Variants in TTL observed in about 807,000 individuals in gnomAD.
TTL encodes the protein tubulin tyrosine ligase, also known as tubulin--tyrosine ligase.
In TTL, 10 loss-of-function variants were observed where a neutral mutation model predicts 41.1. That is an observed-to-expected ratio of 0.24 (90% CI 0.15 to 0.41). TTL has a LOEUF of 0.41. Among genes scored for constraint, TTL ranks in the 10% least tolerant of loss-of-function variants. The pLI is 1.00. For missense variants in TTL, 367 were observed against 460.4 expected (o/e 0.80, Z 1.86); for synonymous variants, 175 against 175.5 (o/e 1.00, Z 0.02).
At chr2:112,520,593 C>T in intron 6 of TTL, 168 bp downstream of exon 6, 1 of 886,412 alleles carries the variant, frequency 1.1e-6, no homozygotes, top group Non-Finnish European at 1.7e-6. Flanking sequence ...GAGTCACTTC[C>T]TTTCCTATTT....
In TTL at chr2:112,528,295, T is replaced by TA. The variant is rs139582155; in HGVS notation, c.1020-380dup. On this transcript the variant is annotated intron_variant, in intron 6 of 6. Coordinates refer to ENST00000233336, the MANE Select transcript of TTL (RefSeq NM_153712.5). ...ATAGAATTTCTAGGGCAGATCTTGG[T>TA]AAAAAACAAAAACAAGAAAAACTGC... Among the ~76,000 whole-genome samples, 1,294 of 152,028 alleles carry TA rather than the reference T, an allele frequency of 8.5e-3. 22 individuals are homozygous for TA. Among genetic ancestry groups the TA allele is most frequent in the African/African-American group, 0.03 (1,228 of 41,454 alleles).
At chr2:112,496,325 T>A (rs1681520832) in intron 3 of TTL, among the ~76,000 whole-genome samples, 1 of 152,246 alleles carries the variant, frequency 6.6e-6, no homozygotes, top group African/African-American at 2.4e-5. Context: ...TTATTATGTT[T>A]GGAAACCATA....
chr2:112,532,565 A>G lies in TTL; in HGVS notation c.*3770A>G, dbSNP rs995414468. ...CTGAGGTGTGAGGCTGCAGTGAACC[A>G]TGTTCACACCACTGTACTCTAGCTT... On this transcript the variant is annotated 3_prime_UTR_variant, in exon 7 of 7. Coordinates refer to ENST00000233336, the MANE Select transcript of TTL (RefSeq NM_153712.5). 5.1e-6 allele frequency: 1 copy of G among 197,900 alleles called. No individual in the cohort carries two copies. The highest frequency in any genetic ancestry group is 2.3e-5 in the African/African-American group (1 of 43,308). The allele number at this position is 197,900 out of a possible 1,614,324, so 12.3% of individuals were successfully genotyped here. A position where few individuals can be genotyped will look rare whatever the true frequency, so the allele number is the denominator to read the frequency against.
intron 3 of TTL, among the ~76,000 whole-genome samples, chr2:112,496,707 G>GTGTGTGTGT (rs1681539515): frequency 1.2e-5 from 1 of 82,708 alleles, no homozygotes. Context: ...GTGTGTGTGT[G>GTGTGTGTGT]TATTTTTTTT....
In TTL at chr2:112,532,313, A is replaced by G. The variant is rs1682527579; in HGVS notation, c.*3518A>G. 4.4e-6 allele frequency: 1 copy of G among 227,896 alleles called. No individual in the cohort carries two copies. Among genetic ancestry groups the G allele is most frequent in the African/African-American group, 2.2e-5 (1 of 45,008 alleles). The allele number at this position is 227,896 out of a possible 1,614,324, so 14.1% of individuals were successfully genotyped here. A position where few individuals can be genotyped will look rare whatever the true frequency, so the allele number is the denominator to read the frequency against. ...TACATGGCTCTGGTTCTGGACACAA[A>G]ATCTGTACTGGAGAGGAAATGACTG... On this transcript the variant is annotated 3_prime_UTR_variant, in exon 7 of 7. Transcript: ENST00000233336.
intron 5 of TTL, among the ~76,000 whole-genome samples, chr2:112,513,337 C>T (rs62157525): frequency 0.17 from 25,203 of 151,794 alleles, 2,366 homozygotes; most frequent in East Asian, 0.3. Flanking sequence ...CCTTCAGTTG[C>T]GAAGTTCTGA....
chr2:112,534,875 C>G lies in TTL; in HGVS notation c.*6080C>G, dbSNP rs1158686240. The G allele has an allele frequency of 1.3e-5, 2 of 152,138 alleles. No individual in the cohort carries two copies. Among genetic ancestry groups the G allele is most frequent in the African/African-American group, 4.8e-5 (2 of 41,410 alleles). The allele number at this position is 152,138 out of a possible 1,614,324, so 9.4% of individuals were successfully genotyped here. ...CCTGAGAATTCCCCAGCTCTTTCGT[C>G]TGACCTTAAGTGTCTGCACAAACAG... is the stretch of plus-strand genomic sequence containing the variant. On this transcript the variant is annotated 3_prime_UTR_variant, in exon 7 of 7. Transcript: ENST00000233336.
chr2:112,492,452 C>T lies in TTL; in HGVS notation c.237-1691C>T, dbSNP rs1303991482. 6.6e-5 allele frequency among the ~76,000 whole-genome samples: 10 copies of T among 151,816 alleles called. No individual in the cohort carries two copies. The East Asian group carries it at 1.6e-3, about 24-fold the overall frequency. On this transcript the variant is annotated intron_variant, in intron 2 of 6. Transcript: ENST00000233336. The stretch of plus-strand genomic sequence containing the variant: ...ATACAAAAATTAGCTGGGTGTGGGC[C>T]GGGCGCGGTGGCTCACGCCTGTAAT...
intron 2 of TTL, among the ~76,000 whole-genome samples, chr2:112,490,492 C>T (rs1354739009): frequency 6.6e-6 from 1 of 150,532 alleles, no homozygotes; most frequent in Non-Finnish European, 1.5e-5. Context: ...TGCAATGAAG[C>T]AAATGTTTCC....
chr2:112,521,599 C>A (rs970371027), intron 6 of TTL, among the ~76,000 whole-genome samples: 1 of 152,234 alleles, frequency 6.6e-6, no homozygotes, highest in Non-Finnish European at 1.5e-5. Context: ...CTGATGGTTA[C>A]GACAGGCATG....
chr2:112,502,622 A>G (rs1337522894), intron 4 of TTL, among the ~76,000 whole-genome samples: 1 of 150,484 alleles, frequency 6.6e-6, no homozygotes, highest in Non-Finnish European at 1.5e-5. Context: ...GGGCAACAAA[A>G]GCAAAACTCC....
intron 3 of TTL, among the ~76,000 whole-genome samples, chr2:112,500,861 ATTG>A (rs1681675462): frequency 6.7e-6 from 1 of 150,266 alleles, no homozygotes; most frequent in African/African-American, 2.4e-5. Flanking sequence ...AAGGGGATTT[ATTG>A]TTGTTATAGT....
chr2:112,527,351 C>T (rs1262953975), intron 6 of TTL, among the ~76,000 whole-genome samples: 1 of 152,094 alleles, frequency 6.6e-6, no homozygotes, highest in Admixed American at 6.5e-5. Context: ...GAGCTGAGTT[C>T]AATTCCTGGA....
In TTL at chr2:112,495,893, G is replaced by A. The variant is rs531027428; in HGVS notation, c.469+1518G>A. Reference sequence around the variant, plus strand: ...TGAACTCACTTCTTGTATTGCCTTGGAAGACATCTAGCCATTGGTACTCAT... The same window carrying A: ...TGAACTCACTTCTTGTATTGCCTTGAAAGACATCTAGCCATTGGTACTCAT... On this transcript the variant is annotated intron_variant, in intron 3 of 6. Transcript: ENST00000233336. Among the ~76,000 whole-genome samples, 6 of 152,228 alleles carry A rather than the reference G, an allele frequency of 3.9e-5. No individual in the cohort carries two copies. In the South Asian group the frequency reaches 1.2e-3, roughly 32 times the overall value.
At chr2:112,490,762 G>A (rs921864499) in intron 2 of TTL, among the ~76,000 whole-genome samples, 3 of 150,984 alleles carry the variant, frequency 2.0e-5, no homozygotes, top group African/African-American at 7.3e-5. Flanking sequence ...TAGTAGAGAC[G>A]GGATTTCACC....
chr2:112,503,552 G>C (rs1681757708), intron 5 of TTL, among the ~76,000 whole-genome samples: 1 of 149,986 alleles, frequency 6.7e-6, no homozygotes, highest in South Asian at 2.1e-4. Context: ...TCCTGCCTCA[G>C]CCTCCCAAGT....
At chr2:112,520,558 ACT>A in intron 6 of TTL, 133 bp downstream of exon 6, 1 of 1,256,664 alleles carries the variant, frequency 8.0e-7, no homozygotes, top group Non-Finnish European at 1.1e-6. Flanking sequence ...CCTTGGGAGG[ACT>A]CTATCTGGCA....
At chr2:112,512,841 C>T (rs1419996233) in intron 5 of TTL, among the ~76,000 whole-genome samples, 7 of 151,900 alleles carry the variant, frequency 4.6e-5, no homozygotes, top group Admixed American at 3.3e-4. Flanking sequence ...TTGTAGTTTT[C>T]GTTTTTGTTT....
chr2:112,500,985 C>T (rs1288910545), intron 3 of TTL, among the ~76,000 whole-genome samples: 1 of 148,438 alleles, frequency 6.7e-6, no homozygotes. Context: ...GCCAAGATAG[C>T]GTTGACACCT....
Sources: allele counts gnomAD v4.1 joint callset (sites outside exome capture counted in the v4.1 genomes callset), GRCh38; gene constraint gnomAD v4.1.1; transcripts MANE v1.5; gene names NCBI Gene and HGNC (gene_info 2026-07-23, HGNC 2026-07-21).